The following CABYR variants were observed in gnomAD, a reference collection of about 807,000 sequenced individuals.
CABYR encodes calcium binding tyrosine phosphorylation regulated.
In CABYR, 31 loss-of-function variants were observed where a neutral mutation model predicts 36.1. The ratio of observed to expected loss-of-function variants is 0.86; its 90% CI spans 0.64 to 1.16. The LOEUF is 1.16. Among genes scored for constraint, CABYR ranks in the 50% most tolerant of loss-of-function variants. The pLI is 0.00. For synonymous variants in CABYR, 146 were observed against 160.7 expected (o/e 0.91, Z 0.69); for missense variants, 429 against 455.8 (o/e 0.94, Z 0.53).
intron 3 of CABYR, among the ~76,000 whole-genome samples, chr18:24,153,007 T>C (rs2085679114): frequency 6.6e-6 from 1 of 152,182 alleles, no homozygotes; most frequent in Admixed American, 6.5e-5. Flanking sequence ...ACCTTTTGCC[T>C]GAGGGTGGGG....
intron 3 of CABYR, among the ~76,000 whole-genome samples, 190 bp from the exon 4 acceptor site, chr18:24,155,511 A>T (rs1368084409): frequency 6.6e-6 from 1 of 151,904 alleles, no homozygotes; most frequent in African/African-American, 2.4e-5. Flanking sequence ...GTGGGTAGAG[A>T]TGGGGTCTCA....
chr18:24,142,661 TA>T (rs1312615127), intron 1 of CABYR, among the ~76,000 whole-genome samples: 3 of 151,226 alleles, frequency 2.0e-5, no homozygotes, highest in African/African-American at 7.3e-5. Flanking sequence ...TTTTTTAAAC[TA>T]CCATCAAGAA....
intron 3 of CABYR, among the ~76,000 whole-genome samples, chr18:24,145,727 C>T (rs1025302593): frequency 5.9e-5 from 9 of 152,126 alleles, no homozygotes; most frequent in Non-Finnish European, 1.2e-4. Flanking sequence ...AGAGGCTTTG[C>T]AGGTTGGGCC....
intron 3 of CABYR, among the ~76,000 whole-genome samples, chr18:24,153,033 G>T (rs938450387): frequency 2.6e-5 from 4 of 152,168 alleles, no homozygotes; most frequent in Admixed American, 2.0e-4. Flanking sequence ...GTGCCAGAGG[G>T]TATTTCTCAG....
chr18:24,142,176 C>T (rs879372636), intron 1 of CABYR, among the ~76,000 whole-genome samples: 14 of 151,958 alleles, frequency 9.2e-5, no homozygotes, highest in South Asian at 2.1e-4. Flanking sequence ...AAAAATTAGC[C>T]GGGCGTGGTG....
Position 24,143,244 on chromosome 18 carries a change from C to G in CABYR, c.130C>G (p.Leu44Val). The G allele has an allele frequency of 6.2e-7, 1 of 1,613,408 alleles. No individual in the cohort carries two copies. Among genetic ancestry groups the G allele is most frequent in the Non-Finnish European group, 8.5e-7 (1 of 1,179,830 alleles). ...NQFAAAYFQE[L>V]TMYRGNTTMD... Reference sequence around the variant, plus strand: ...GTTTGCAGCAGCTTATTTTCAAGAACTTACTATGTATAGAGGTTTGTTATT... The same window carrying G: ...GTTTGCAGCAGCTTATTTTCAAGAAGTTACTATGTATAGAGGTTTGTTATT... Residue 44 changes from leucine (L) to valine (V), a missense_variant, in exon 2 of 6, where the codon CTT becomes GTT. Coordinates refer to ENST00000399496, the MANE Select transcript of CABYR (RefSeq NM_153769.3).
intron 3 of CABYR, among the ~76,000 whole-genome samples, chr18:24,146,798 A>T (rs1269894236): frequency 6.6e-6 from 1 of 152,230 alleles, no homozygotes; most frequent in African/African-American, 2.4e-5. Context: ...AACAATAATA[A>T]GACAAATAGG....
At chr18:24,156,581 A>G (rs774499641) in intron 4 of CABYR, 3 of 1,614,100 alleles carry the variant, frequency 1.9e-6, no homozygotes, top group African/African-American at 1.3e-5. Flanking sequence ...AAAAATCTGT[A>G]GAGTCTGTAA....
chr18:24,156,729 A>C (rs2085798583), intron 4 of CABYR: 2 of 1,614,202 alleles, frequency 1.2e-6, no homozygotes, highest in Non-Finnish European at 1.7e-6. Flanking sequence ...AGGTGCTATC[A>C]AAATAGGCTC....
chr18:24,155,691 T>C lies in CABYR; in HGVS notation c.200-10T>C. The C allele has an allele frequency of 6.4e-7, 1 of 1,553,316 alleles. No homozygotes were observed. The highest frequency in any genetic ancestry group is 8.7e-7 in the Non-Finnish European group (1 of 1,153,116). On this transcript the variant is annotated splice_polypyrimidine_tract_variant and intron_variant, in intron 3 of 5. Coordinates refer to ENST00000399496, the MANE Select transcript of CABYR (RefSeq NM_153769.3). ...GATGTTAATTAACCCATCTGGTTGT[T>C]GTTTTTCAGTAGAGAAATGGTCAGA... is the stretch of plus-strand genomic sequence containing the variant.
chr18:24,155,470 T>C (rs970427565), intron 3 of CABYR, among the ~76,000 whole-genome samples: 3 of 152,142 alleles, frequency 2.0e-5, no homozygotes, highest in African/African-American at 7.2e-5. Context: ...TCTGAATGCT[T>C]AACCCATTAT....
At chr18:24,148,382 A>C (rs893766086) in intron 3 of CABYR, among the ~76,000 whole-genome samples, 1 of 152,172 alleles carries the variant, frequency 6.6e-6, no homozygotes, top group African/African-American at 2.4e-5. Context: ...CATTGCTGCC[A>C]CTAATCTAGC....
intron 3 of CABYR, among the ~76,000 whole-genome samples, chr18:24,144,224 G>C (rs1038918818): frequency 1.3e-5 from 2 of 152,218 alleles, no homozygotes; most frequent in African/African-American, 4.8e-5. Context: ...AGTGAGTCTT[G>C]ATATTTTTGG....
chr18:24,150,361 T>C (rs1009725822), intron 3 of CABYR, among the ~76,000 whole-genome samples: 2 of 152,184 alleles, frequency 1.3e-5, no homozygotes, highest in Non-Finnish European at 2.9e-5. Context: ...CAGTCCAAAT[T>C]ACTAGCCACT....
At chr18:24,154,292 A>G (rs1225695671) in intron 3 of CABYR, among the ~76,000 whole-genome samples, 2 of 152,098 alleles carry the variant, frequency 1.3e-5, no homozygotes, top group African/African-American at 2.4e-5. Context: ...CCATTCTTAC[A>G]TGTAGTATGT....
At chr18:24,158,578 A>G (rs2145886084) in intron 4 of CABYR, among the ~76,000 whole-genome samples, 1 of 152,240 alleles carries the variant, frequency 6.6e-6, no homozygotes, top group South Asian at 2.1e-4. Context: ...TCGGCCTCCC[A>G]AAGTGCTGGG....
At chr18:24,146,827 C>T (rs1034690287) in intron 3 of CABYR, among the ~76,000 whole-genome samples, 6 of 151,982 alleles carry the variant, frequency 3.9e-5, no homozygotes, top group African/African-American at 1.5e-4. Context: ...TAATAGAAAC[C>T]ATAGAAGCCA....
chr18:24,144,463 C>G (rs973521452), intron 3 of CABYR, among the ~76,000 whole-genome samples: 1 of 152,190 alleles, frequency 6.6e-6, no homozygotes, highest in South Asian at 2.1e-4. Flanking sequence ...GCAGCGATGT[C>G]AGAGACCAAC....
At chr18:24,156,448 T>C in intron 4 of CABYR, 1 of 1,614,112 alleles carries the variant, frequency 6.2e-7, no homozygotes, top group Non-Finnish European at 8.5e-7. Context: ...CCAGAACAAA[T>C]AGTTATCCCT....
Sources: gnomAD v4.1 joint callset for allele counts (sites outside exome capture counted in the v4.1 genomes callset) on GRCh38, gnomAD v4.1.1 for gene constraint, MANE v1.5 for transcripts, NCBI Gene and HGNC (gene_info 2026-07-23, HGNC 2026-07-21) for gene names.